Variants in RGS7 observed in about 807,000 individuals in gnomAD.
The protein encoded by RGS7 is regulator of G-protein signaling 7.
Under a neutral mutation model 81.1 loss-of-function variants are expected in RGS7, and 27 were observed. The ratio of observed to expected loss-of-function variants is 0.33; its 90% confidence interval spans 0.25 to 0.46. The LOEUF (loss-of-function observed/expected upper bound fraction) is 0.46. Among genes scored for constraint, RGS7 ranks in the 20% least tolerant of loss-of-function variants. The probability of loss-of-function intolerance (pLI) is 1.00; values close to 1 mark genes in which losing one functional copy is unlikely to be tolerated. For missense variants in RGS7, 396 were observed against 607.4 expected (o/e 0.65, Z 3.66); for synonymous variants, 208 against 207.7 (o/e 1.00, Z -0.01).
chr1:240,864,989 T>C (rs1417803163), intron 9 of RGS7, among the ~76,000 whole-genome samples: 1 of 152,044 alleles, frequency 6.6e-6, no homozygotes, highest in Non-Finnish European at 1.5e-5. Flanking sequence ...TTTTTGCTAC[T>C]CTCTGTTTCT....
intron 6 of RGS7, among the ~76,000 whole-genome samples, chr1:240,908,795 G>C (rs894790440): frequency 3.9e-5 from 6 of 152,176 alleles, no homozygotes; most frequent in African/African-American, 1.4e-4. Flanking sequence ...TTGGGACTAG[G>C]AAAGTTTGTT....
intron 2 of RGS7, among the ~76,000 whole-genome samples, chr1:241,189,488 CAA>C (rs1370192400): frequency 6.6e-6 from 1 of 152,188 alleles, no homozygotes; most frequent in African/African-American, 2.4e-5. Context: ...CCTTACTTAA[CAA>C]AGTCTTTCAC....
intron 3 of RGS7, among the ~76,000 whole-genome samples, chr1:241,004,177 C>A (rs184638547): frequency 6.6e-6 from 1 of 152,164 alleles, no homozygotes; most frequent in Non-Finnish European, 1.5e-5. Flanking sequence ...TGCCTTTAAT[C>A]CAAGACTAAG....
chr1:240,893,941 G>T (rs970251743), intron 6 of RGS7, among the ~76,000 whole-genome samples: 11 of 152,128 alleles, frequency 7.2e-5, no homozygotes, highest in African/African-American at 2.6e-4. Flanking sequence ...ACTGCTTCTC[G>T]AATCTCATTC....
At chr1:240,973,005 TGCCACTGCACTCCA>T (rs1040543648) in intron 4 of RGS7, among the ~76,000 whole-genome samples, 2 of 151,384 alleles carry the variant, frequency 1.3e-5, no homozygotes, top group Non-Finnish European at 2.9e-5. Context: ...GCCGTGATTG[TGCCACTGCACTCCA>T]GCCTGGACAA....
At chr1:240,858,356 A>G (rs1173059176) in intron 9 of RGS7, among the ~76,000 whole-genome samples, 3 of 152,242 alleles carry the variant, frequency 2.0e-5, no homozygotes, top group African/African-American at 7.2e-5. Flanking sequence ...CATTTCCACC[A>G]GCAGAGAATG....
intron 2 of RGS7, among the ~76,000 whole-genome samples, chr1:241,152,196 T>A (rs2068805476): frequency 6.8e-6 from 1 of 147,036 alleles, no homozygotes; most frequent in Non-Finnish European, 1.5e-5. Flanking sequence ...AAAGGGGGAA[T>A]AACGACCTAA....
intron 18 of RGS7, among the ~76,000 whole-genome samples, chr1:240,786,090 T>C (rs1685013633): frequency 6.6e-6 from 1 of 152,172 alleles, no homozygotes; most frequent in Non-Finnish European, 1.5e-5. Context: ...CCTAAGAGAA[T>C]TGAGAAAGAA....
chr1:241,296,323 T>C (rs2079422524), intron 2 of RGS7, among the ~76,000 whole-genome samples: 1 of 152,130 alleles, frequency 6.6e-6, no homozygotes. Flanking sequence ...ATTTCAACAC[T>C]GCAGAGTAGG....
At chr1:241,177,115 G>T (rs6677639) in intron 2 of RGS7, among the ~76,000 whole-genome samples, 38,668 of 152,016 alleles carry the variant, frequency 0.25, 5,987 homozygotes, top group African/African-American at 0.44. Context: ...TACATTCTAG[G>T]GCAGGAGGAA....
At chr1:241,285,199 T>C (rs1385683467) in intron 2 of RGS7, among the ~76,000 whole-genome samples, 1 of 152,174 alleles carries the variant, frequency 6.6e-6, no homozygotes, top group East Asian at 1.9e-4. Context: ...CTGCCCTTTT[T>C]CCAGGGCTTT....
At chr1:240,992,726 T>C (rs1686634324) in intron 3 of RGS7, among the ~76,000 whole-genome samples, 1 of 151,910 alleles carries the variant, frequency 6.6e-6, no homozygotes, top group African/African-American at 2.4e-5. Flanking sequence ...TGGGGTTCTA[T>C]TTAAAATGTT....
chr1:240,998,209 A>AT (rs1411367085), intron 3 of RGS7, among the ~76,000 whole-genome samples: 6 of 151,876 alleles, frequency 4.0e-5, no homozygotes, highest in Non-Finnish European at 7.4e-5. Flanking sequence ...TTAATGTGTC[A>AT]TTTTTCCCTG....
At chr1:241,093,787 C>A (rs2064054862) in intron 3 of RGS7, among the ~76,000 whole-genome samples, 1 of 152,114 alleles carries the variant, frequency 6.6e-6, no homozygotes, top group South Asian at 2.1e-4. Context: ...AGTGGCATTT[C>A]ATCAATCCCA....
intron 6 of RGS7, among the ~76,000 whole-genome samples, chr1:240,871,412 A>G (rs1263778554): frequency 6.6e-6 from 1 of 152,200 alleles, no homozygotes; most frequent in Non-Finnish European, 1.5e-5. Context: ...GCAAACAGGA[A>G]TACTATTTAC....
At chr1:240,841,426 CA>C in intron 9 of RGS7, among the ~76,000 whole-genome samples, 1 of 152,108 alleles carries the variant, frequency 6.6e-6, no homozygotes, top group East Asian at 1.9e-4. Context: ...ACAACTGAGC[CA>C]TATTATACAA....
chr1:240,911,015 A>T (rs984898422), intron 6 of RGS7, among the ~76,000 whole-genome samples: 26 of 152,024 alleles, frequency 1.7e-4, no homozygotes, highest in Admixed American at 4.6e-4. Flanking sequence ...TTAAAAAAAA[A>T]TTTTTTTTAA....
intron 2 of RGS7, among the ~76,000 whole-genome samples, chr1:241,259,667 A>AAAAAAAAAAAAATATATATATAT: frequency 1.0e-4 from 5 of 49,142 alleles, no homozygotes; most frequent in Non-Finnish European, 1.8e-4. Context: ...AAAAAAAAAA[A>AAAAAAAAAAAAATATATATATAT]ATATATATAT....
At chr1:240,814,893 T>C (rs1690523991) in intron 11 of RGS7, 116 bp from the exon 12 acceptor site, 1 of 728,316 alleles carries the variant, frequency 1.4e-6, no homozygotes, top group African/African-American at 1.8e-5. Flanking sequence ...GTCAGTACAA[T>C]TTCAAAGTTG....
Sources: allele counts gnomAD v4.1 joint callset (sites outside exome capture counted in the v4.1 genomes callset), GRCh38; gene constraint gnomAD v4.1.1; transcripts MANE v1.5; gene names NCBI Gene and HGNC (gene_info 2026-07-23, HGNC 2026-07-21).